The following ARHGAP44 variants were observed in gnomAD, a reference collection of about 807,000 sequenced individuals.
The protein encoded by ARHGAP44 is Rho GTPase activating protein 44.
Under a neutral mutation model 106.8 loss-of-function variants are expected in ARHGAP44, and 43 were observed. The ratio of observed to expected loss-of-function variants is 0.40; its 90% CI spans 0.32 to 0.52. ARHGAP44 has a LOEUF of 0.52. ARHGAP44 is among the 20% of genes least tolerant of loss of function. The probability of loss-of-function intolerance (pLI) is 0.48; values close to 1 mark genes in which losing one functional copy is unlikely to be tolerated. For missense variants in ARHGAP44, 866 were observed against 1,050.5 expected (o/e 0.82, Z 2.43); for synonymous variants, 439 against 410.3 (o/e 1.07, Z -0.85).
At chr17:12,946,340 C>T (rs1253324729) in intron 10 of ARHGAP44, among the ~76,000 whole-genome samples, 2 of 151,822 alleles carry the variant, frequency 1.3e-5, no homozygotes, top group African/African-American at 4.8e-5. Context: ...TGTAAGATAG[C>T]GGATGTTTTG....
intron 7 of ARHGAP44, among the ~76,000 whole-genome samples, chr17:12,937,432 T>A (rs1402307149): frequency 2.0e-5 from 3 of 152,202 alleles, no homozygotes; most frequent in African/African-American, 7.2e-5. Context: ...TTCACACTTG[T>A]CCATGCTGGG....
chr17:12,988,458 T>C (rs1200290218), intron 20 of ARHGAP44: 3 of 152,158 alleles, frequency 2.0e-5, no homozygotes, highest in Non-Finnish European at 4.4e-5. Context: ...ATGACCCAAG[T>C]AGCTGGGGAA....
chr17:12,941,451 A>G (rs1468127879), intron 8 of ARHGAP44, among the ~76,000 whole-genome samples: 2 of 152,132 alleles, frequency 1.3e-5, no homozygotes, highest in Non-Finnish European at 2.9e-5. Context: ...TGCTACTGGC[A>G]TTTAGAGGGC....
At chr17:12,864,594 AGGGATCACACGACTGTGACTAG>A (rs1357273125) in intron 1 of ARHGAP44, among the ~76,000 whole-genome samples, 2 of 152,154 alleles carry the variant, frequency 1.3e-5, no homozygotes, top group Non-Finnish European at 2.9e-5. Flanking sequence ...ACAAGTACTG[AGGGATCACACGACTGTGACTAG>A]GCAGAGAAAC....
chr17:12,796,520 C>T (rs1052233423), intron 1 of ARHGAP44, among the ~76,000 whole-genome samples: 9 of 152,210 alleles, frequency 5.9e-5, no homozygotes, highest in African/African-American at 2.2e-4. Context: ...TCCTCAGTCT[C>T]CCTAAGTGCT....
chr17:12,921,288 A>G (rs1015079122), intron 6 of ARHGAP44, among the ~76,000 whole-genome samples: 1 of 152,078 alleles, frequency 6.6e-6, no homozygotes, highest in Admixed American at 6.6e-5. Flanking sequence ...GCTGTTCACG[A>G]ACTCCTGACT....
At chr17:12,789,940 T>G (rs1172914011) in intron 1 of ARHGAP44, 49 bp downstream of exon 1, 1 of 1,467,530 alleles carries the variant, frequency 6.8e-7, no homozygotes, top group Non-Finnish European at 9.0e-7. Flanking sequence ...CGAGGCTGCA[T>G]CCGCAGGGGC....
intron 4 of ARHGAP44, 131 bp downstream of exon 4, chr17:12,909,104 A>C: frequency 1.3e-6 from 1 of 742,352 alleles, no homozygotes; most frequent in Non-Finnish European, 2.2e-6. Context: ...GGAAAATGTT[A>C]CCAGTAGGAA....
At chr17:12,867,710 C>CT (rs1218262030) in intron 1 of ARHGAP44, among the ~76,000 whole-genome samples, 1 of 152,078 alleles carries the variant, frequency 6.6e-6, no homozygotes, top group African/African-American at 2.4e-5. Flanking sequence ...CCCAGGGAAT[C>CT]TTTTTTTCAA....
At chr17:12,940,923 T>C in intron 7 of ARHGAP44, 133 bp from the exon 8 acceptor site, 1 of 676,170 alleles carries the variant, frequency 1.5e-6, no homozygotes. Flanking sequence ...ATGGAAAGTT[T>C]GTATCATATC....
At chr17:12,886,678 G>A (rs766560965) in intron 1 of ARHGAP44, among the ~76,000 whole-genome samples, 7 of 151,814 alleles carry the variant, frequency 4.6e-5, no homozygotes, top group Non-Finnish European at 8.8e-5. Context: ...TTAGTTCTAC[G>A]AATTTTTTTA....
intron 4 of ARHGAP44, among the ~76,000 whole-genome samples, chr17:12,913,128 T>C (rs2037790160): frequency 6.6e-6 from 1 of 152,218 alleles, no homozygotes; most frequent in African/African-American, 2.4e-5. Context: ...TTACATGATG[T>C]GTGGTTCAAT....
At chr17:12,829,259 A>G (rs1056380081) in intron 1 of ARHGAP44, among the ~76,000 whole-genome samples, 9 of 151,894 alleles carry the variant, frequency 5.9e-5, no homozygotes, top group African/African-American at 2.2e-4. Flanking sequence ...CTATTTCAGC[A>G]TGTTTCTGCT....
intron 16 of ARHGAP44, among the ~76,000 whole-genome samples, chr17:12,971,005 G>T (rs1163875938): frequency 2.0e-5 from 3 of 152,292 alleles, no homozygotes; most frequent in Non-Finnish European, 4.4e-5. Context: ...TTATATTACT[G>T]TTTGAAAATG....
intron 1 of ARHGAP44, among the ~76,000 whole-genome samples, chr17:12,857,376 G>A (rs2035942538): frequency 6.6e-6 from 1 of 152,198 alleles, no homozygotes; most frequent in Admixed American, 6.5e-5. Context: ...ACTAGCATCT[G>A]GTGAGGCCCT....
At chr17:12,941,199 C>A in intron 8 of ARHGAP44, 75 bp downstream of exon 8, 1 of 1,356,652 alleles carries the variant, frequency 7.4e-7, no homozygotes, top group South Asian at 1.2e-5. Context: ...AATTAAGAGT[C>A]CCTTAATTGA....
Position 12,949,371 on chromosome 17 carries a change from G to A in ARHGAP44, c.973+120G>A. 2 of 1,112,802 alleles carry A rather than the reference G, an allele frequency of 1.8e-6. No individual in the cohort carries two copies. Among genetic ancestry groups the A allele is most frequent in the East Asian group, 2.6e-5 (1 of 38,552 alleles). 68.9% of individuals were successfully genotyped at this position (1,112,802 alleles called of 1,614,324 possible). Reference sequence around the variant, plus strand: ...AGTGGCTGCCCAAAGCACTTCAGATGTGTCCACTCAGTGCCCAGTTTCAGG... The same window carrying A: ...AGTGGCTGCCCAAAGCACTTCAGATATGTCCACTCAGTGCCCAGTTTCAGG... On this transcript the variant is annotated intron_variant, in intron 11 of 20. Transcript: ENST00000379672. The surrounding 1 kb of genome is among the most constrained non-coding windows in gnomAD (Gnocchi z 4.1).
rs1197246080 is a variant in ARHGAP44 at position 12,949,236 on chromosome 17, C to T, written c.958C>T (p.Pro320Ser). The T allele has an allele frequency of 1.3e-6, 2 of 1,564,026 alleles. No homozygotes were observed. The highest frequency in any genetic ancestry group is 1.7e-6 in the Non-Finnish European group (2 of 1,154,290). ...GGATGTGCAGGAGTACTCGGCAGAC[C>T]CCCACGCAATTGCAGGTGGGCACCT... ...VVDVQEYSAD[P>S]HAIAGALKSY... is the part of the protein sequence containing the mutation. Residue 320 changes from proline (P) to serine (S), a missense_variant, in exon 11 of 21, where the codon CCC becomes TCC. By Grantham distance (74) the Pro-to-Ser change is moderately conservative. Transcript: ENST00000379672. This position sits in a 1 kb window ranked among gnomAD's most constrained non-coding sequence, Gnocchi z 4.1.
chr17:12,907,039 A>C (rs777451404), intron 3 of ARHGAP44, among the ~76,000 whole-genome samples: 1 of 152,168 alleles, frequency 6.6e-6, no homozygotes, highest in Non-Finnish European at 1.5e-5. Flanking sequence ...AGTTTTGTTT[A>C]TCACTGGTTT....
Sources: gnomAD v4.1 joint callset for allele counts (sites outside exome capture counted in the v4.1 genomes callset) on GRCh38, gnomAD v4.1.1 for gene constraint, Gnocchi (gnomAD v3.1) non-coding constraint, MANE v1.5 for transcripts, NCBI Gene and HGNC (gene_info 2026-07-23, HGNC 2026-07-21) for gene names.